R3HDM1: variants seen among roughly 807,000 people sequenced by gnomAD.
R3HDM1 encodes R3H domain-containing protein 1.
In R3HDM1, 46 loss-of-function variants were observed where a neutral mutation model predicts 141.1. The ratio of observed to expected loss-of-function variants is 0.33; its 90% CI spans 0.26 to 0.42. R3HDM1 has a LOEUF of 0.42. Ranked by LOEUF, R3HDM1 falls within the 10% of genes least tolerant of loss-of-function variation. The probability of loss-of-function intolerance (pLI) is 1.00; values close to 1 mark genes in which losing one functional copy is unlikely to be tolerated. For synonymous variants in R3HDM1, 435 were observed against 472.9 expected (o/e 0.92, Z 1.04); for missense variants, 1,184 against 1,368.3 (o/e 0.87, Z 2.12).
rs1423326909 is a variant in R3HDM1, at chr2:135,698,540, A to G, written c.2460-10893A>G. ...TTACATAGATAATTATTTTGTTATT[A>G]TACTTAATTTAAACTGTAATATATT... On this transcript the variant is annotated intron_variant, in intron 21 of 26. Transcript: ENST00000683871. 2.6e-5 allele frequency among the ~76,000 whole-genome samples: 4 copies of G among 152,182 alleles called. No individual in the cohort carries two copies. The East Asian group carries it at 7.7e-4, about 29-fold the overall frequency.
Position 135,634,151 on chromosome 2 carries a change from A to G in R3HDM1, c.699-1739A>G, listed in dbSNP as rs148128897. 9.9e-5 allele frequency among the ~76,000 whole-genome samples: 15 copies of G among 152,032 alleles called. No homozygotes were observed. In the East Asian group the frequency reaches 2.5e-3, roughly 25 times the overall value. ...TCACAAAGCTGTTTTTCGTCTTCCTATTTTTCTTTTACTTCTTACATATAT... is the reference window on the plus strand; with the variant it reads ...TCACAAAGCTGTTTTTCGTCTTCCTGTTTTTCTTTTACTTCTTACATATAT... On this transcript the variant is annotated intron_variant, in intron 9 of 26. Coordinates refer to ENST00000683871, the MANE Select transcript of R3HDM1 (RefSeq NM_001378107.1).
At chr2:135,718,061 G>A (rs960361291) in intron 24 of R3HDM1, among the ~76,000 whole-genome samples, 5 of 152,104 alleles carry the variant, frequency 3.3e-5, no homozygotes, top group Non-Finnish European at 7.4e-5. Context: ...TCCGGGTCAC[G>A]ACGTTAACCA....
At chr2:135,544,933 C>T (rs1229201611) in intron 1 of R3HDM1, among the ~76,000 whole-genome samples, 1 of 152,166 alleles carries the variant, frequency 6.6e-6, no homozygotes, top group Non-Finnish European at 1.5e-5. Flanking sequence ...CCACTGCACT[C>T]CAGCCTGGGT....
intron 20 of R3HDM1, among the ~76,000 whole-genome samples, chr2:135,679,300 C>T (rs2069803034): frequency 6.6e-6 from 1 of 151,964 alleles, no homozygotes; most frequent in Non-Finnish European, 1.5e-5. Context: ...CTGAAAGATA[C>T]ACTGTTTACT....
chr2:135,621,811 A>G (rs113611854), intron 6 of R3HDM1: 1 of 982,788 alleles, frequency 1.0e-6, no homozygotes, highest in Non-Finnish European at 1.2e-6. Flanking sequence ...CCAAAAATGC[A>G]ACACATAACA....
chr2:135,710,079 G>A lies in R3HDM1; in HGVS notation c.2584G>A (p.Gly862Ser), dbSNP rs1349893730. The change falls in exon 23 of 27, where the codon GGT becomes AGT. Residue 862 changes from glycine (G) to serine (S), a missense_variant. Around this residue, in one of 5 missense-constraint regions of R3HDM1, gnomAD observed 563 missense variants for 562.0 expected, o/e 1.00. Transcript: ENST00000683871. ...TTCAGCTGGACCACCACCGCCACCT[G>A]GTGGGGGGATGGTGATGATGCAGCT... ...QCTAGPPPPPGGGMVMMQLSV... is the reference protein window; with the variant it reads ...QCTAGPPPPPSGGMVMMQLSV... 1 of 1,613,750 alleles carries A rather than the reference G, an allele frequency of 6.2e-7. No homozygotes were observed. The highest frequency in any genetic ancestry group is 2.2e-5 in the East Asian group (1 of 44,882).
chr2:135,698,769 G>A lies in R3HDM1; in HGVS notation c.2460-10664G>A, dbSNP rs1464122964. On this transcript the variant is annotated intron_variant, in intron 21 of 26. Transcript: ENST00000683871. ...GGCACGTCTTACATGGCTGGAGCCC[G>A]AGGAAGAGAAGAGTGGGGGGAGCAC... Among the ~76,000 whole-genome samples, 20 of 152,154 alleles carry A rather than the reference G, an allele frequency of 1.3e-4. 1 individual carries two copies. The East Asian group carries it at 2.9e-3, about 22-fold the overall frequency.
chr2:135,560,927 T>C (rs1196108183), intron 1 of R3HDM1, among the ~76,000 whole-genome samples: 1 of 152,174 alleles, frequency 6.6e-6, no homozygotes, highest in African/African-American at 2.4e-5. Flanking sequence ...GGAAGGCAGA[T>C]AATAAATATA....
chr2:135,613,037 A>T (rs1196868137), intron 3 of R3HDM1, among the ~76,000 whole-genome samples: 1 of 152,200 alleles, frequency 6.6e-6, no homozygotes, highest in African/African-American at 2.4e-5. Flanking sequence ...CTTATATAGT[A>T]GTGTATTAGT....
At chr2:135,723,627 A>G (rs2076908121) in intron 26 of R3HDM1, among the ~76,000 whole-genome samples, 2 of 151,098 alleles carry the variant, frequency 1.3e-5, no homozygotes, top group African/African-American at 4.9e-5. Context: ...AACACAAAAA[A>G]TTAGCTGGGC....
rs79799363 is a variant in R3HDM1, at chr2:135,651,588, A to G, written c.1726-142A>G. On this transcript the variant is annotated intron_variant, in intron 17 of 26. Transcript: ENST00000683871. The stretch of plus-strand genomic sequence containing the variant: ...TGTCATTTTTTTGAAGCTTTACCCT[A>G]TTACATAATTGCTGTTGTTGATATA... The G allele has an allele frequency of 7.6e-4, 966 of 1,264,776 alleles. 5 individuals are homozygous for G. The African/African-American group carries it at 0.013, about 17-fold the overall frequency. The allele number at this position is 1,264,776 out of a possible 1,614,324, so 78.3% of individuals were successfully genotyped here. A position where few individuals can be genotyped will look rare whatever the true frequency, so the allele number is the denominator to read the frequency against.
At chr2:135,681,367 A>C (rs1274157075) in intron 21 of R3HDM1, among the ~76,000 whole-genome samples, 1 of 152,228 alleles carries the variant, frequency 6.6e-6, no homozygotes, top group African/African-American at 2.4e-5. Context: ...CGCCTCTGAA[A>C]ATAGGGCTTG....
chr2:135,670,548 C>T (rs947822911), intron 19 of R3HDM1: 1 of 341,246 alleles, frequency 2.9e-6, no homozygotes, highest in African/African-American at 2.2e-5. Context: ...TGTCATATAA[C>T]CCCATTTCTA....
At chr2:135,714,742 T>C (rs2075988599) in intron 23 of R3HDM1, among the ~76,000 whole-genome samples, 1 of 138,114 alleles carries the variant, frequency 7.2e-6, no homozygotes. Context: ...CACAGTGATA[T>C]ATATGTATAT....
At chr2:135,682,961 C>G (rs987261652) in intron 21 of R3HDM1, among the ~76,000 whole-genome samples, 1 of 152,050 alleles carries the variant, frequency 6.6e-6, no homozygotes, top group Admixed American at 6.6e-5. Context: ...TGCACCACAG[C>G]ACTTCAGCCT....
chr2:135,542,118 A>G (rs1463129777), intron 1 of R3HDM1, among the ~76,000 whole-genome samples: 2 of 152,220 alleles, frequency 1.3e-5, no homozygotes, highest in Non-Finnish European at 2.9e-5. Flanking sequence ...TTTTGACTGC[A>G]ACTCATCATG....
At chr2:135,625,190 C>T (rs756989150) in intron 7 of R3HDM1, among the ~76,000 whole-genome samples, 4 of 152,140 alleles carry the variant, frequency 2.6e-5, no homozygotes, top group South Asian at 2.1e-4. Flanking sequence ...TGATTCATGC[C>T]GGTAATCCCA....
At chr2:135,633,110 TTTC>T (rs1390887116) in intron 9 of R3HDM1, among the ~76,000 whole-genome samples, 5 of 152,182 alleles carry the variant, frequency 3.3e-5, no homozygotes, top group African/African-American at 9.7e-5. Flanking sequence ...AAAGGGATCT[TTTC>T]TTCTTATAGG....
chr2:135,683,429 C>T (rs1420034187), intron 21 of R3HDM1, among the ~76,000 whole-genome samples: 1 of 151,798 alleles, frequency 6.6e-6, no homozygotes. Context: ...TGGTGGGTGC[C>T]TGTAATCCCA....
Sources: allele counts gnomAD v4.1 joint callset (sites outside exome capture counted in the v4.1 genomes callset), GRCh38; gene constraint gnomAD v4.1.1; regional missense constraint gnomAD v4.1.1; transcripts MANE v1.5; gene names NCBI Gene and HGNC (gene_info 2026-07-23, HGNC 2026-07-21).